Variants in GRIN2A observed in about 807,000 individuals in gnomAD.
The protein encoded by GRIN2A is glutamate receptor ionotropic, NMDA 2A.
In GRIN2A, 22 loss-of-function variants were observed where a neutral mutation model predicts 113.4. That is an observed-to-expected ratio of 0.19 (90% CI 0.14 to 0.28). The LOEUF (loss-of-function observed/expected upper bound fraction) is 0.28, where lower values mean the gene tolerates loss of function less well. Among genes scored for constraint, GRIN2A ranks in the 10% least tolerant of loss-of-function variants. The probability of loss-of-function intolerance (pLI) is 1.00; values close to 1 mark genes in which losing one functional copy is unlikely to be tolerated. For synonymous variants in GRIN2A, 827 were observed against 738.4 expected, an observed-to-expected ratio of 1.12 and a Z score of -1.94; for missense variants, 1,502 against 1,887.0, an observed-to-expected ratio of 0.80 and a Z score of 3.78.
intron 2 of GRIN2A, chr16:10,037,276 A>T (rs1205929499): frequency 6.6e-6 from 1 of 152,162 alleles, no homozygotes; most frequent in Non-Finnish European, 1.5e-5. Context: ...TCTTCTTGAA[A>T]TATAAAAACG....
intron 2 of GRIN2A, among the ~76,000 whole-genome samples, chr16:10,101,497 T>C (rs995791891): frequency 1.3e-5 from 2 of 152,212 alleles, no homozygotes; most frequent in African/African-American, 4.8e-5. Context: ...GCCAGGAAGC[T>C]TTCTGAGCAA....
At chr16:9,880,509 T>C (rs968301) in intron 4 of GRIN2A, among the ~76,000 whole-genome samples, 108,133 of 152,100 alleles carry the variant, frequency 0.71, 39,884 homozygotes, top group African/African-American at 0.89. Context: ...TGTTGAGTAA[T>C]TCAAAGTCAA....
chr16:9,809,486 T>C (rs1310467288), intron 10 of GRIN2A, among the ~76,000 whole-genome samples: 1 of 151,050 alleles, frequency 6.6e-6, no homozygotes, highest in Non-Finnish European at 1.5e-5. Context: ...AAATGGAACG[T>C]ACATCAAACA....
At chr16:9,980,626 G>A (rs1365487427) in intron 2 of GRIN2A, among the ~76,000 whole-genome samples, 1 of 152,026 alleles carries the variant, frequency 6.6e-6, no homozygotes, top group East Asian at 1.9e-4. Context: ...AGAAAATGTG[G>A]CACATATACA....
intron 2 of GRIN2A, among the ~76,000 whole-genome samples, chr16:10,050,424 C>T (rs1472697059): frequency 1.3e-5 from 2 of 152,114 alleles, no homozygotes; most frequent in African/African-American, 2.4e-5. Flanking sequence ...ACCACCTGAG[C>T]TCCACCTCCT....
chr16:9,947,856 A>AT (rs1188147751), intron 2 of GRIN2A, among the ~76,000 whole-genome samples: 1 of 152,038 alleles, frequency 6.6e-6, no homozygotes, highest in Non-Finnish European at 1.5e-5. Context: ...TAATGCATGT[A>AT]TTACTCTGAG....
intron 2 of GRIN2A, among the ~76,000 whole-genome samples, chr16:10,147,614 G>A (rs966372411): frequency 6.8e-6 from 1 of 147,982 alleles, no homozygotes; most frequent in African/African-American, 2.5e-5. Context: ...TCCAGCCTGG[G>A]TAACACAGTG....
At chr16:9,855,774 C>T (rs1363103794) in intron 4 of GRIN2A, among the ~76,000 whole-genome samples, 1 of 152,178 alleles carries the variant, frequency 6.6e-6, no homozygotes, top group Non-Finnish European at 1.5e-5. Flanking sequence ...CAGCAGAAAA[C>T]AGCCAAATGG....
rs749882574 is a variant in GRIN2A at position 10,051,049 on chromosome 16, T to C, written c.415-112498A>G. ...TCGAGAGCATGTCCCAGGCCCCCCATGTAGTTAGGTGGTAGGATGATGTAG... is the reference window on the plus strand; with the variant it reads ...TCGAGAGCATGTCCCAGGCCCCCCACGTAGTTAGGTGGTAGGATGATGTAG... On this transcript the variant is annotated intron_variant, in intron 2 of 12. Coordinates refer to ENST00000330684, the MANE Select transcript of GRIN2A (RefSeq NM_001134407.3). 4.6e-5 allele frequency among the ~76,000 whole-genome samples: 7 copies of C among 152,146 alleles called. No homozygotes were observed. In the East Asian group the frequency reaches 9.6e-4, roughly 21 times the overall value.
chr16:9,781,111 A>G (rs1901911671), intron 11 of GRIN2A, among the ~76,000 whole-genome samples: 1 of 152,110 alleles, frequency 6.6e-6, no homozygotes, highest in African/African-American at 2.4e-5. Flanking sequence ...GCCATAGACA[A>G]TGCGTAATAC....
intron 4 of GRIN2A, among the ~76,000 whole-genome samples, chr16:9,862,428 G>A (rs931003698): frequency 4.6e-5 from 7 of 152,134 alleles, no homozygotes; most frequent in African/African-American, 1.2e-4. Flanking sequence ...TCATAGAAAC[G>A]TGTTTTGATT....
intron 2 of GRIN2A, among the ~76,000 whole-genome samples, chr16:10,028,511 T>A (rs573636819): frequency 7.4e-4 from 113 of 152,282 alleles, no homozygotes; most frequent in African/African-American, 2.6e-3. Flanking sequence ...CCCTTTCTTC[T>A]CTCCTTCCTG....
At chr16:10,179,892 C>CCCCCAAACAAAAAAAA in intron 2 of GRIN2A, 106 bp downstream of exon 2, 1 of 721,358 alleles carries the variant, frequency 1.4e-6, no homozygotes, top group Non-Finnish European at 2.4e-6. Context: ...ACCCCCACCC[C>CCCCCAAACAAAAAAAA]CACTTCACAT....
intron 2 of GRIN2A, among the ~76,000 whole-genome samples, chr16:9,985,812 T>C (rs2045969260): frequency 6.6e-6 from 1 of 152,086 alleles, no homozygotes; most frequent in African/African-American, 2.4e-5. Flanking sequence ...CAGTCAACAA[T>C]TTATTGTACA....
intron 2 of GRIN2A, among the ~76,000 whole-genome samples, chr16:10,093,132 C>T (rs2048215970): frequency 6.6e-6 from 1 of 152,188 alleles, no homozygotes. Context: ...AGCCCCACGC[C>T]CGGCCAACCT....
chr16:10,083,392 G>A (rs758083775), intron 2 of GRIN2A, among the ~76,000 whole-genome samples: 7 of 152,222 alleles, frequency 4.6e-5, no homozygotes, highest in Non-Finnish European at 1.0e-4. Context: ...GTGCATGGCT[G>A]GGTTTAAATG....
At chr16:9,901,246 C>T (rs770900801) in intron 3 of GRIN2A, among the ~76,000 whole-genome samples, 16 of 152,074 alleles carry the variant, frequency 1.1e-4, no homozygotes, top group Non-Finnish European at 2.4e-4. Flanking sequence ...TGTTTTCTTT[C>T]GTTTTTCCTT....
chr16:9,783,535 C>T (rs1487159600), intron 11 of GRIN2A, among the ~76,000 whole-genome samples: 1 of 152,210 alleles, frequency 6.6e-6, no homozygotes, highest in Non-Finnish European at 1.5e-5. Context: ...TCATAGCCTA[C>T]CCTCATATCT....
chr16:9,955,486 G>T (rs542930744), intron 2 of GRIN2A, among the ~76,000 whole-genome samples: 1 of 152,138 alleles, frequency 6.6e-6, no homozygotes, highest in African/African-American at 2.4e-5. Context: ...TAGTGCAAAA[G>T]TAAATTACTG....
Sources: gnomAD v4.1 joint callset for allele counts (sites outside exome capture counted in the v4.1 genomes callset) on GRCh38, gnomAD v4.1.1 for gene constraint, MANE v1.5 for transcripts, NCBI Gene and HGNC (gene_info 2026-07-23, HGNC 2026-07-21) for gene names.